Variants in RAD54L2 observed in about 807,000 individuals in gnomAD.
RAD54L2 encodes the protein helicase ARIP4.
A neutral mutation model predicts 138.4 loss-of-function variants in RAD54L2; 27 were observed. The observed-to-expected ratio is 0.20, with a 90% confidence interval of 0.14 to 0.27. The LOEUF (loss-of-function observed/expected upper bound fraction) is 0.27, where lower values mean the gene tolerates loss of function less well. RAD54L2 is among the 10% of genes least tolerant of loss of function. The pLI, the probability that RAD54L2 is intolerant of heterozygous loss-of-function variation, is 1.00. For synonymous variants in RAD54L2, 644 were observed against 723.2 expected (o/e 0.89, Z 1.76); for missense variants, 1,396 against 1,890.2 (o/e 0.74, Z 4.85).
chr3:51,616,910 A>G (rs1403739680), intron 3 of RAD54L2, among the ~76,000 whole-genome samples: 1 of 152,206 alleles, frequency 6.6e-6, no homozygotes, highest in African/African-American at 2.4e-5. Flanking sequence ...CAGGCAACCA[A>G]TGAACTGATT....
intron 2 of RAD54L2, among the ~76,000 whole-genome samples, chr3:51,587,304 G>T (rs1034685819): frequency 3.9e-5 from 6 of 152,012 alleles, no homozygotes; most frequent in African/African-American, 1.4e-4. Context: ...AGTTTCACAC[G>T]TGTTAGCCAG....
chr3:51,615,140 A>G (rs966226028), intron 3 of RAD54L2, among the ~76,000 whole-genome samples: 11 of 151,904 alleles, frequency 7.2e-5, no homozygotes, highest in Admixed American at 2.0e-4. Context: ...CAGCCTCCCA[A>G]ATAGCTGGGA....
At chr3:51,604,781 A>G (rs531104596) in intron 3 of RAD54L2, among the ~76,000 whole-genome samples, 4 of 152,274 alleles carry the variant, frequency 2.6e-5, no homozygotes, top group South Asian at 2.1e-4. Context: ...TGGGAATACA[A>G]TGGGGTTCCT....
chr3:51,570,259 T>C (rs1699309643), intron 2 of RAD54L2, among the ~76,000 whole-genome samples: 1 of 144,006 alleles, frequency 6.9e-6, no homozygotes. Flanking sequence ...TTCTCCTCCC[T>C]CAGCCTCCTG....
At chr3:51,656,281 G>C in intron 20 of RAD54L2, 111 bp downstream of exon 20, 1 of 1,024,974 alleles carries the variant, frequency 9.8e-7, no homozygotes, top group Non-Finnish European at 1.4e-6. Flanking sequence ...ACTACATTTG[G>C]CACTCTTGGT....
intron 3 of RAD54L2, among the ~76,000 whole-genome samples, chr3:51,621,597 C>T (rs1313726329): frequency 1.3e-5 from 2 of 152,218 alleles, no homozygotes; most frequent in Middle Eastern, 3.2e-3. Flanking sequence ...AAAGTTCCCC[C>T]CTGCCCAGCA....
intron 3 of RAD54L2, among the ~76,000 whole-genome samples, chr3:51,620,086 T>TC (rs1700534533): frequency 6.7e-6 from 1 of 150,000 alleles, no homozygotes; most frequent in Non-Finnish European, 1.5e-5. Context: ...ACTTTGAGTC[T>TC]TTTTTTTTCA....
intron 3 of RAD54L2, among the ~76,000 whole-genome samples, chr3:51,619,214 C>T (rs1296166247): frequency 1.3e-5 from 2 of 152,114 alleles, no homozygotes; most frequent in African/African-American, 2.4e-5. Context: ...CCCGCCACCA[C>T]GCGTGGCTAA....
chr3:51,575,111 G>C (rs1489061096), intron 2 of RAD54L2, among the ~76,000 whole-genome samples: 4 of 152,152 alleles, frequency 2.6e-5, no homozygotes, highest in East Asian at 1.9e-4. Flanking sequence ...GGAATCCTTT[G>C]CCCATTTCTT....
At chr3:51,629,516 GA>G in intron 5 of RAD54L2, 43 bp downstream of exon 5, 1 of 1,603,026 alleles carries the variant, frequency 6.2e-7, no homozygotes, top group Non-Finnish European at 8.5e-7. Flanking sequence ...GCTTCAGGAG[GA>G]AGAAGCCCTA....
chr3:51,610,639 C>CAAAAAAAAA (rs538225499), intron 3 of RAD54L2, among the ~76,000 whole-genome samples: 1 of 59,092 alleles, frequency 1.7e-5, no homozygotes. Context: ...GACTCCATCT[C>CAAAAAAAAA]AAAAAAAAAA....
At chr3:51,559,145 G>C (rs895479341) in intron 2 of RAD54L2, among the ~76,000 whole-genome samples, 2 of 152,166 alleles carry the variant, frequency 1.3e-5, no homozygotes, top group African/African-American at 4.8e-5. Context: ...AAAGTGCTGG[G>C]ATTACAGGCG....
rs183803709 is a variant in RAD54L2 at position 51,554,292 on chromosome 3, T to C, written c.-55+12642T>C. 6.7e-5 allele frequency among the ~76,000 whole-genome samples: 10 copies of C among 150,228 alleles called. No individual in the cohort carries two copies. In the East Asian group the frequency reaches 2.0e-3, roughly 29 times the overall value. On this transcript the variant is annotated intron_variant, in intron 2 of 22. Transcript: ENST00000684192. ...TGAGGCAGGAGAATCTCTTGAACCCTGGAAGCGGAGGTTGCAGTGAGCTGA... is the reference window on the plus strand; with the variant it reads ...TGAGGCAGGAGAATCTCTTGAACCCCGGAAGCGGAGGTTGCAGTGAGCTGA...
chr3:51,609,992 CG>C (rs1700292856), intron 3 of RAD54L2, among the ~76,000 whole-genome samples: 1 of 150,948 alleles, frequency 6.6e-6, no homozygotes, highest in African/African-American at 2.4e-5. Flanking sequence ...AAAAATTAGC[CG>C]GGCGTGGCGG....
chr3:51,613,782 A>T (rs915556963), intron 3 of RAD54L2, among the ~76,000 whole-genome samples: 8 of 152,122 alleles, frequency 5.3e-5, no homozygotes, highest in Non-Finnish European at 1.2e-4. Flanking sequence ...AAAAAAAAAA[A>T]AAGGTACGTA....
chr3:51,604,411 G>T (rs1426302777), intron 3 of RAD54L2, among the ~76,000 whole-genome samples: 1 of 152,170 alleles, frequency 6.6e-6, no homozygotes, highest in East Asian at 1.9e-4. Context: ...GTAAACCAAG[G>T]TATAGTACAT....
intron 2 of RAD54L2, among the ~76,000 whole-genome samples, chr3:51,587,894 C>T (rs975124006): frequency 2.0e-5 from 3 of 152,004 alleles, no homozygotes; most frequent in Admixed American, 6.6e-5. Context: ...ATGTATTTAT[C>T]TGCAGCAGTT....
In RAD54L2 at chr3:51,667,618, C is replaced by T. The variant is rs926309229; in HGVS notation, c.*4198C>T. ...TGTTCTGGCCCTCTGCTGACTACTC[C>T]CAGGAATCAGCACCTCAAGGACTAT... On this transcript the variant is annotated 3_prime_UTR_variant, in exon 23 of 23. Transcript: ENST00000684192. 6.6e-6 allele frequency: 1 copy of T among 152,258 alleles called. No individual in the cohort carries two copies. Among genetic ancestry groups the T allele is most frequent in the African/African-American group, 2.4e-5 (1 of 41,442 alleles). 9.4% of individuals were successfully genotyped at this position (152,258 alleles called of 1,614,324 possible).
chr3:51,597,165 CAAAA>C (rs145812228), intron 3 of RAD54L2, among the ~76,000 whole-genome samples: 17 of 49,268 alleles, frequency 3.5e-4, no homozygotes, highest in African/African-American at 1.1e-3. Flanking sequence ...GACTTCATTT[CAAAA>C]AAAAAAAAAA....
Sources: gnomAD v4.1 joint callset for allele counts (sites outside exome capture counted in the v4.1 genomes callset) on GRCh38, gnomAD v4.1.1 for gene constraint, MANE v1.5 for transcripts, NCBI Gene and HGNC (gene_info 2026-07-23, HGNC 2026-07-21) for gene names.